NRXN3: variants seen among roughly 807,000 people sequenced by gnomAD.
NRXN3 encodes the protein neurexin III.
Under a neutral mutation model 137.6 loss-of-function variants are expected in NRXN3, and 32 were observed. The ratio of observed to expected loss-of-function variants is 0.23; its 90% CI spans 0.18 to 0.31. NRXN3 has a LOEUF of 0.31. Ranked by LOEUF, NRXN3 falls within the 10% of genes least tolerant of loss-of-function variation. NRXN3 has a pLI of 1.00. For missense variants in NRXN3, 1,574 were observed against 2,062.5 expected, an observed-to-expected ratio of 0.76 and a Z score of 4.59; for synonymous variants, 798 against 784.5, an observed-to-expected ratio of 1.02 and a Z score of -0.29.
At chr14:79,859,922 A>G (rs79261702) in intron 20 of NRXN3, among the ~76,000 whole-genome samples, 3,134 of 152,290 alleles carry the variant, frequency 0.021, 114 homozygotes, top group African/African-American at 0.072. Context: ...GACATGGACT[A>G]TGACTTCTTA....
intron 15 of NRXN3, among the ~76,000 whole-genome samples, chr14:79,365,555 T>C (rs893085018): frequency 2.0e-5 from 3 of 149,284 alleles, no homozygotes; most frequent in Non-Finnish European, 3.0e-5. Context: ...CCGTCTCTAC[T>C]AAAAATATAA....
chr14:79,241,019 C>CA (rs2074202033), intron 15 of NRXN3, among the ~76,000 whole-genome samples: 1 of 152,050 alleles, frequency 6.6e-6, no homozygotes, highest in Non-Finnish European at 1.5e-5. Flanking sequence ...TTTATCTTTG[C>CA]AACATCCACA....
intron 16 of NRXN3, among the ~76,000 whole-genome samples, chr14:79,547,847 C>T (rs759966237): frequency 5.3e-5 from 8 of 152,064 alleles, no homozygotes; most frequent in Non-Finnish European, 1.0e-4. Context: ...GATGGCCTAT[C>T]GTTTTGAATT....
intron 4 of NRXN3, among the ~76,000 whole-genome samples, chr14:78,303,055 G>T (rs146764535): frequency 1.3e-5 from 2 of 152,038 alleles, no homozygotes; most frequent in African/African-American, 4.8e-5. Flanking sequence ...CCCTTATATG[G>T]TCGTGTTTAC....
At chr14:78,613,495 A>T (rs2097317075) in intron 4 of NRXN3, among the ~76,000 whole-genome samples, 1 of 151,642 alleles carries the variant, frequency 6.6e-6, no homozygotes, top group African/African-American at 2.4e-5. Flanking sequence ...GGAACTTCCG[A>T]GGCAACTGTG....
chr14:78,722,943 A>C (rs1290620495), intron 8 of NRXN3, among the ~76,000 whole-genome samples: 2 of 152,168 alleles, frequency 1.3e-5, no homozygotes, highest in African/African-American at 4.8e-5. Context: ...CAGGGGAAAA[A>C]AAATTCCAGG....
chr14:78,318,969 G>A (rs1022494517), intron 4 of NRXN3, among the ~76,000 whole-genome samples: 2 of 152,190 alleles, frequency 1.3e-5, no homozygotes, highest in African/African-American at 4.8e-5. Context: ...GGAGGGTTGA[G>A]GTGGAGCCTA....
intron 4 of NRXN3, among the ~76,000 whole-genome samples, chr14:78,535,369 T>C (rs984044588): frequency 5.9e-5 from 9 of 152,214 alleles, no homozygotes; most frequent in Non-Finnish European, 1.0e-4. Context: ...TCCCCATTCA[T>C]ACCTATGTTA....
intron 16 of NRXN3, among the ~76,000 whole-genome samples, chr14:79,470,959 T>A (rs879647906): frequency 0.067 from 4,607 of 69,122 alleles, 180 homozygotes; most frequent in African/African-American, 0.23. Flanking sequence ...AGAGTGTGTG[T>A]GTGTGTGTGT....
intron 9 of NRXN3, among the ~76,000 whole-genome samples, chr14:78,807,909 A>G (rs1182339765): frequency 1.3e-5 from 2 of 152,096 alleles, no homozygotes; most frequent in Non-Finnish European, 2.9e-5. Context: ...TTTCAAGCAA[A>G]AAGTCTGGCT....
chr14:78,988,966 C>T (rs1189824709), intron 15 of NRXN3, among the ~76,000 whole-genome samples: 3 of 152,132 alleles, frequency 2.0e-5, no homozygotes, highest in Non-Finnish European at 4.4e-5. Context: ...GGTGGAGACA[C>T]CTCAATGCTG....
At chr14:79,304,492 C>A (rs1487811654) in intron 15 of NRXN3, among the ~76,000 whole-genome samples, 1 of 151,926 alleles carries the variant, frequency 6.6e-6, no homozygotes, top group African/African-American at 2.4e-5. Flanking sequence ...TTGGGCAGCT[C>A]CAAACCAGAA....
chr14:79,237,620 T>C (rs1351791264), intron 15 of NRXN3, among the ~76,000 whole-genome samples: 1 of 152,082 alleles, frequency 6.6e-6, no homozygotes, highest in East Asian at 1.9e-4. Flanking sequence ...CAAGAAGAAA[T>C]GCTCTTTTTT....
Position 78,456,787 on chromosome 14 carries a change from C to CGCTCTCTT in NRXN3, c.757+158927_757+158928insGCTCTCTT. ...CTCTGCAGGATTTCTTTCCCTTTCT[C>CGCTCTCTT]TCTCTCTTTCTCTCTTTCTTTCTTT... On this transcript the variant is annotated intron_variant, in intron 4 of 20. Transcript: ENST00000335750. 1.5e-5 allele frequency among the ~76,000 whole-genome samples: 2 copies of CGCTCTCTT among 136,416 alleles called. 1 individual carries two copies. Among genetic ancestry groups the CGCTCTCTT allele is most frequent in the Middle Eastern group, 7.1e-3 (2 of 282 alleles). The allele number at this position is 136,416 out of a possible 152,430, so 89.5% of individuals were successfully genotyped here.
At chr14:78,283,482 T>A (rs1422282182) in intron 3 of NRXN3, 3 of 152,212 alleles carry the variant, frequency 2.0e-5, no homozygotes. Context: ...CCTATTCCTT[T>A]ATTCCTTTAT....
chr14:79,265,827 GCTTCTGCC>G (rs1295094242), intron 15 of NRXN3, among the ~76,000 whole-genome samples: 1 of 151,908 alleles, frequency 6.6e-6, no homozygotes, highest in East Asian at 1.9e-4. Context: ...CCTGCTGAGG[GCTTCTGCC>G]CTCCCATCTC....
At chr14:79,853,613 C>T (rs1334736958) in intron 20 of NRXN3, 1 of 1,351,002 alleles carries the variant, frequency 7.4e-7, no homozygotes. Context: ...CACATTTACT[C>T]CTATCATCTT....
intron 15 of NRXN3, among the ~76,000 whole-genome samples, chr14:79,434,535 G>T (rs1259636004): frequency 1.3e-5 from 2 of 152,174 alleles, no homozygotes; most frequent in Non-Finnish European, 2.9e-5. Flanking sequence ...AACAATCCAG[G>T]TAACAAAAAC....
intron 8 of NRXN3, among the ~76,000 whole-genome samples, chr14:78,746,856 G>C (rs1276404252): frequency 6.6e-6 from 1 of 152,218 alleles, no homozygotes; most frequent in Non-Finnish European, 1.5e-5. Context: ...TTCAAGTAAA[G>C]TGTTGACACA....
Sources: gnomAD v4.1 joint callset for allele counts (sites outside exome capture counted in the v4.1 genomes callset) on GRCh38, gnomAD v4.1.1 for gene constraint, MANE v1.5 for transcripts, NCBI Gene and HGNC (gene_info 2026-07-23, HGNC 2026-07-21) for gene names.